Variants in NOS1 observed in about 807,000 individuals in gnomAD.
NOS1 encodes nitric oxide synthase 1.
A neutral mutation model predicts 164.5 loss-of-function variants in NOS1; 51 were observed. The ratio of observed to expected loss-of-function variants is 0.31; its 90% CI spans 0.25 to 0.39. The LOEUF (loss-of-function observed/expected upper bound fraction) is 0.39. NOS1 is among the 10% of genes least tolerant of loss of function. The probability of loss-of-function intolerance (pLI) is 1.00; values close to 1 mark genes in which losing one functional copy is unlikely to be tolerated. For missense variants in NOS1, 1,362 were observed against 1,885.6 expected (o/e 0.72, Z 5.14); for synonymous variants, 719 against 745.8 (o/e 0.96, Z 0.59).
intron 25 of NOS1, 58 bp from the exon 26 acceptor site, chr12:117,222,921 C>G: frequency 6.3e-7 from 1 of 1,578,482 alleles, no homozygotes; most frequent in Non-Finnish European, 8.6e-7. Context: ...TGCAGGGTGG[C>G]TGAGGTGCCA....
At position 117,213,921 on chromosome 12, in the gene NOS1, C is replaced by G; in HGVS notation, c.*1388G>C. ...GGTTGCCTCTTAGGGAGGAATTACA[C>G]CGGCTCCAATTCCTACCGAAGACTT... On this transcript the variant is annotated 3_prime_UTR_variant, in exon 29 of 29. Coordinates refer to ENST00000317775, the MANE Select transcript of NOS1 (RefSeq NM_000620.5). 1.0e-6 allele frequency: 1 copy of G among 985,412 alleles called. No individual in the cohort carries two copies. Among genetic ancestry groups the G allele is most frequent in the Non-Finnish European group, 1.2e-6 (1 of 829,928 alleles). 61.0% of individuals were successfully genotyped at this position (985,412 alleles called of 1,614,324 possible). A position where few individuals can be genotyped will look rare whatever the true frequency, so the allele number is the denominator to read the frequency against.
At chr12:117,264,942 A>T (rs1872267992) in intron 12 of NOS1, among the ~76,000 whole-genome samples, 1 of 151,708 alleles carries the variant, frequency 6.6e-6, no homozygotes, top group African/African-American at 2.4e-5. Flanking sequence ...GACTCAGGTG[A>T]TCCACCTGCC....
At chr12:117,216,004 A>AGTAGCTGG (rs1228098252) in intron 28 of NOS1, among the ~76,000 whole-genome samples, 3 of 147,276 alleles carry the variant, frequency 2.0e-5, no homozygotes, top group Admixed American at 1.4e-4. Flanking sequence ...CAGCCTCCTG[A>AGTAGCTGG]GTAGCTGGGA....
At chr12:117,278,124 G>A in intron 8 of NOS1, 26 bp from the exon 9 acceptor site, 1 of 1,599,406 alleles carries the variant, frequency 6.3e-7, no homozygotes, top group South Asian at 1.1e-5. Flanking sequence ...GCCAGGTAAT[G>A]CCACTGTACC....
intron 14 of NOS1, 79 bp from the exon 15 acceptor site, chr12:117,259,209 A>G: frequency 2.1e-6 from 2 of 932,262 alleles, no homozygotes; most frequent in Non-Finnish European, 3.4e-6. Flanking sequence ...AGAGACAAAA[A>G]GTGATGGGGG....
chr12:117,245,826 G>C (rs983980055), intron 18 of NOS1: 1 of 152,392 alleles, frequency 6.6e-6, no homozygotes, highest in African/African-American at 2.4e-5. Flanking sequence ...GCTGAGGCAG[G>C]AGAATTGCTT....
intron 9 of NOS1, among the ~76,000 whole-genome samples, chr12:117,277,072 T>C (rs537680991): frequency 1.3e-5 from 2 of 152,250 alleles, no homozygotes; most frequent in South Asian, 4.2e-4. Flanking sequence ...CTCTTCTCCA[T>C]AGTGGTTGTA....
chr12:117,238,480 C>G (rs1002644032), intron 20 of NOS1, among the ~76,000 whole-genome samples: 1 of 151,960 alleles, frequency 6.6e-6, no homozygotes, highest in Non-Finnish European at 1.5e-5. Flanking sequence ...CTCCAGGACC[C>G]CTCTGTGCAG....
At chr12:117,338,394 C>A (rs1875941243) in intron 1 of NOS1, among the ~76,000 whole-genome samples, 1 of 146,290 alleles carries the variant, frequency 6.8e-6, no homozygotes, top group Admixed American at 7.0e-5. Flanking sequence ...GAACAAGACC[C>A]TGTTTCATAG....
At chr12:117,344,612 A>C (rs1876260681) in intron 1 of NOS1, among the ~76,000 whole-genome samples, 1 of 152,196 alleles carries the variant, frequency 6.6e-6, no homozygotes, top group Non-Finnish European at 1.5e-5. Flanking sequence ...TTGCTTTTCT[A>C]ATGTTCTAAG....
intron 26 of NOS1, among the ~76,000 whole-genome samples, chr12:117,221,720 A>G (rs1172078810): frequency 6.8e-6 from 1 of 147,458 alleles, no homozygotes; most frequent in African/African-American, 2.5e-5. Flanking sequence ...TGAAGCCTTG[A>G]CCTCCCAGGC....
At chr12:117,352,496 C>T (rs1429534420) in intron 1 of NOS1, among the ~76,000 whole-genome samples, 2 of 152,294 alleles carry the variant, frequency 1.3e-5, no homozygotes, top group South Asian at 4.2e-4. Flanking sequence ...GGAACTGTCG[C>T]CTGCTCACTG....
chr12:117,226,063 T>C (rs949206572), intron 24 of NOS1, among the ~76,000 whole-genome samples: 9 of 152,218 alleles, frequency 5.9e-5, no homozygotes, highest in African/African-American at 1.7e-4. Flanking sequence ...CAGGACTCTA[T>C]GTTTGAAACA....
At position 117,330,396 on chromosome 12, in the gene NOS1, C is replaced by G; in HGVS notation, c.674G>C (p.Gly225Ala). 6.2e-7 allele frequency: 1 copy of G among 1,614,166 alleles called. No individual in the cohort carries two copies. Among genetic ancestry groups the G allele is most frequent in the Non-Finnish European group, 8.5e-7 (1 of 1,180,024 alleles). Reference sequence around the variant, plus strand: ...CATCTCTGCCTTGGCAGGTGCCCCTCCCTTGACCCCTCTGCTCCCACTGGT... The same window carrying G: ...CATCTCTGCCTTGGCAGGTGCCCCTGCCTTGACCCCTCTGCTCCCACTGGT... ...LLTSGSRGVK[G>A]GAPAKAEMKD... The change falls in exon 2 of 29, where the codon GGA becomes GCA. Residue 225 changes from glycine to alanine, a missense_variant. Physicochemically the swap from Gly to Ala is moderately conservative, Grantham distance 60. Around this residue, in one of 4 missense-constraint regions of NOS1, gnomAD observed 362 missense variants for 402.0 expected, o/e 0.90. Coordinates refer to ENST00000317775, the MANE Select transcript of NOS1 (RefSeq NM_000620.5). This position sits in a 1 kb window ranked among gnomAD's most constrained non-coding sequence, Gnocchi z 4.6.
intron 26 of NOS1, among the ~76,000 whole-genome samples, chr12:117,221,122 A>C (rs1956697377): frequency 6.9e-6 from 1 of 145,266 alleles, no homozygotes; most frequent in African/African-American, 2.6e-5. Context: ...ATGGGCTGTT[A>C]AATTTATTTT....
chr12:117,229,552 T>C (rs1208252223), intron 22 of NOS1, among the ~76,000 whole-genome samples: 1 of 146,296 alleles, frequency 6.8e-6, no homozygotes, highest in Non-Finnish European at 1.5e-5. Context: ...ATATGGGTTA[T>C]ATCAAATTCT....
chr12:117,283,036 TTATATA>T (rs397851004), intron 7 of NOS1, among the ~76,000 whole-genome samples: 7 of 125,438 alleles, frequency 5.6e-5, no homozygotes, highest in African/African-American at 2.2e-4. Flanking sequence ...TCCTATAACA[TTATATA>T]TATATATATA....
At chr12:117,218,935 G>T (rs1956654791) in intron 27 of NOS1, among the ~76,000 whole-genome samples, 1 of 151,872 alleles carries the variant, frequency 6.6e-6, no homozygotes, top group African/African-American at 2.4e-5. Flanking sequence ...CTAGGTTCCA[G>T]CCTCCCCATC....
rs1454305034 is a variant in NOS1 at position 117,260,545 on chromosome 12, G to A, written c.2287C>T (p.Leu763Phe). 3 of 1,614,166 alleles carry A rather than the reference G, an allele frequency of 1.9e-6. No individual in the cohort carries two copies. The highest frequency in any genetic ancestry group is 1.7e-6 in the Non-Finnish European group (2 of 1,180,032). ...GATTTGCCTGTCTCTGTGGCATAGA[G>A]GATGGTCGCTTTCACCCTCTTGGCC... ...AMAKRVKATI[L>F]YATETGKSQA... The change falls in exon 14 of 29, where the codon CTC becomes TTC. Residue 763 changes from leucine (L) to phenylalanine (F), a missense_variant. Transcript: ENST00000317775.
Sources: allele counts gnomAD v4.1 joint callset (sites outside exome capture counted in the v4.1 genomes callset), GRCh38; gene constraint gnomAD v4.1.1; regional missense constraint gnomAD v4.1.1; non-coding constraint Gnocchi (gnomAD v3.1); transcripts MANE v1.5; gene names NCBI Gene and HGNC (gene_info 2026-07-23, HGNC 2026-07-21).